COX7B2: variants seen among roughly 807,000 people sequenced by gnomAD.
COX7B2 encodes the protein cytochrome c oxidase subunit 7B2, mitochondrial.
For synonymous variants in COX7B2, 37 were observed against 32.1 expected (o/e 1.15, Z -0.51); for missense variants, 109 against 95.9 (o/e 1.14, Z -0.57).
At chr4:46,881,770 CA>C (rs1292097095) in intron 1 of COX7B2, among the ~76,000 whole-genome samples, 1 of 152,002 alleles carries the variant, frequency 6.6e-6, no homozygotes. Context: ...AAGCAGTTTC[CA>C]GCTTGAGTTT....
chr4:46,750,488 T>C lies in COX7B2; in HGVS notation c.-49-15247A>G, dbSNP rs908897842. Among the ~76,000 whole-genome samples the C allele has an allele frequency of 1.7e-4, 26 of 151,912 alleles. 1 individual carries two copies. Among genetic ancestry groups the C allele is most frequent in the Non-Finnish European group, 3.5e-4 (24 of 68,002 alleles). ...CATCTAGTATCAAGACTCTTTATGT[T>C]CCTAAATATAACTATTAAAGAGTCC... is the stretch of plus-strand genomic sequence containing the variant. On this transcript the variant is annotated intron_variant, in intron 2 of 2. Transcript: ENST00000355591.
intron 1 of COX7B2, among the ~76,000 whole-genome samples, chr4:46,853,838 A>G (rs542830221): frequency 6.6e-6 from 1 of 152,142 alleles, no homozygotes; most frequent in South Asian, 2.1e-4. Flanking sequence ...ATTATCTACA[A>G]ATTATGAATT....
chr4:46,873,188 T>C (rs186505047), intron 1 of COX7B2, among the ~76,000 whole-genome samples: 5 of 152,348 alleles, frequency 3.3e-5, no homozygotes, highest in African/African-American at 1.2e-4. Flanking sequence ...TTCTATGGTG[T>C]ATATGTGCCC....
intron 2 of COX7B2, among the ~76,000 whole-genome samples, chr4:46,803,201 C>G (rs920125899): frequency 6.6e-6 from 1 of 152,046 alleles, no homozygotes; most frequent in Non-Finnish European, 1.5e-5. Context: ...ATTTAACAAC[C>G]TTTGGCAAAG....
rs1338561947 is a variant in COX7B2, at chr4:46,832,157, C to CA, written c.-50+12802_-50+12803insT. On this transcript the variant is annotated intron_variant, in intron 2 of 2. Coordinates refer to ENST00000355591, the MANE Select transcript of COX7B2 (RefSeq NM_130902.3). The stretch of plus-strand genomic sequence containing the variant: ...ACCGTGGAAGGTTTGTTCTTTCGCT[C>CA]TTTGCTATAAATTTTGCTACTGCTA... Among the ~76,000 whole-genome samples the CA allele has an allele frequency of 4.6e-5, 7 of 152,252 alleles. No homozygotes were observed. In the South Asian group the frequency reaches 1.5e-3, roughly 32 times the overall value.
intron 1 of COX7B2, among the ~76,000 whole-genome samples, chr4:46,865,694 G>A (rs752873806): frequency 2.0e-5 from 3 of 152,088 alleles, no homozygotes; most frequent in Non-Finnish European, 2.9e-5. Flanking sequence ...TGCTCCCCCA[G>A]TTAACCTAAT....
At chr4:46,868,124 T>A (rs900363525) in intron 1 of COX7B2, among the ~76,000 whole-genome samples, 2 of 152,122 alleles carry the variant, frequency 1.3e-5, no homozygotes, top group East Asian at 1.9e-4. Flanking sequence ...ATATATCCTA[T>A]AATTTATCCA....
chr4:46,902,314 C>A (rs763060468), intron 1 of COX7B2, among the ~76,000 whole-genome samples: 2 of 152,154 alleles, frequency 1.3e-5, no homozygotes, highest in Non-Finnish European at 1.5e-5. Context: ...AAGGTTAGGT[C>A]AAGAGATCAA....
intron 2 of COX7B2, among the ~76,000 whole-genome samples, chr4:46,839,025 T>A (rs767400775): frequency 6.6e-5 from 10 of 152,006 alleles, no homozygotes; most frequent in Admixed American, 2.6e-4. Context: ...ATAATTTTTA[T>A]GTTTTATTTT....
At chr4:46,795,874 C>A (rs1198666130) in intron 2 of COX7B2, among the ~76,000 whole-genome samples, 2 of 20,420 alleles carry the variant, frequency 9.8e-5, no homozygotes, top group African/African-American at 4.4e-4. Flanking sequence ...CTTTTATTTC[C>A]TTGAGCAGTG....
At chr4:46,763,387 G>C (rs1304700653) in intron 2 of COX7B2, among the ~76,000 whole-genome samples, 9 of 150,864 alleles carry the variant, frequency 6.0e-5, no homozygotes, top group African/African-American at 1.5e-4. Context: ...CTTACAGCAG[G>C]CCCAAGTGTT....
chr4:46,766,319 T>C (rs1352476783), intron 2 of COX7B2, among the ~76,000 whole-genome samples: 4 of 152,122 alleles, frequency 2.6e-5, no homozygotes, highest in African/African-American at 9.7e-5. Flanking sequence ...ACTAAAAATA[T>C]CTATACCTAC....
chr4:46,908,526 T>A (rs1459078347), intron 1 of COX7B2, among the ~76,000 whole-genome samples: 1 of 152,144 alleles, frequency 6.6e-6, no homozygotes, highest in African/African-American at 2.4e-5. Context: ...ATATGATCGG[T>A]ACCTAGACCA....
intron 1 of COX7B2, among the ~76,000 whole-genome samples, chr4:46,896,758 G>A (rs1719787305): frequency 6.6e-6 from 1 of 152,152 alleles, no homozygotes; most frequent in Admixed American, 6.5e-5. Flanking sequence ...CAAGCAACAG[G>A]CACCCTCTGC....
At chr4:46,892,778 A>G (rs1719506211) in intron 1 of COX7B2, among the ~76,000 whole-genome samples, 7 of 152,148 alleles carry the variant, frequency 4.6e-5, no homozygotes, top group Admixed American at 4.6e-4. Flanking sequence ...TCATGGACCG[A>G]TACGGTTTCG....
At chr4:46,765,189 T>G (rs957122474) in intron 2 of COX7B2, among the ~76,000 whole-genome samples, 5 of 151,830 alleles carry the variant, frequency 3.3e-5, no homozygotes, top group Admixed American at 2.6e-4. Flanking sequence ...GAAATTCAAG[T>G]GAGATATCAG....
intron 2 of COX7B2, among the ~76,000 whole-genome samples, chr4:46,748,649 T>C (rs1349953718): frequency 6.6e-6 from 1 of 152,170 alleles, no homozygotes; most frequent in Non-Finnish European, 1.5e-5. Flanking sequence ...TTAGATCACT[T>C]TTCTTGACTT....
chr4:46,758,084 C>G (rs1466366180), intron 2 of COX7B2, among the ~76,000 whole-genome samples: 1 of 152,048 alleles, frequency 6.6e-6, no homozygotes, highest in East Asian at 1.9e-4. Flanking sequence ...TATAAGTATT[C>G]TACAATACTT....
chr4:46,897,394 G>A (rs755756157), intron 1 of COX7B2, among the ~76,000 whole-genome samples: 1 of 152,166 alleles, frequency 6.6e-6, no homozygotes, highest in East Asian at 1.9e-4. Flanking sequence ...CTTTCTCTCT[G>A]TCTCAGGAGA....
Sources: gnomAD v4.1 joint callset for allele counts (sites outside exome capture counted in the v4.1 genomes callset) on GRCh38, gnomAD v4.1.1 for gene constraint, MANE v1.5 for transcripts, NCBI Gene and HGNC (gene_info 2026-07-23, HGNC 2026-07-21) for gene names.